Variants in SLC6A14 observed in about 807,000 individuals in gnomAD.
The protein encoded by SLC6A14 is sodium- and chloride-dependent neutral and basic amino acid transporter B(0+).
Under a neutral mutation model 51.4 loss-of-function variants are expected in SLC6A14, and 21 were observed. The ratio of observed to expected loss-of-function variants is 0.41; its 90% CI spans 0.29 to 0.59. SLC6A14 has a LOEUF of 0.59. SLC6A14 is among the 20% of genes least tolerant of loss of function. SLC6A14 has a pLI of 0.31. For synonymous variants in SLC6A14, 177 were observed against 160.7 expected (o/e 1.10, Z -0.77); for missense variants, 371 against 472.8 (o/e 0.78, Z 2.00).
chrX:116,458,823 C>A lies in SLC6A14; in HGVS notation c.1797C>A (p.Cys599Ter). 8.4e-7 allele frequency: 1 copy of A among 1,190,625 alleles called. No individual in the cohort carries two copies. Among genetic ancestry groups the A allele is most frequent in the Non-Finnish European group, 1.1e-6 (1 of 886,324 alleles). The change falls in exon 14 of 14, where the codon TGC becomes TGA. Residue 599 changes from cysteine (C) to a stop codon, truncating the protein, a stop_gained. Coordinates refer to ENST00000598581, the MANE Select transcript of SLC6A14 (RefSeq NM_007231.5). LOFTEE classifies it high-confidence loss of function. ...TTGCATTTCAGCGCCTTATAAGTTGCTGCAGACCAGCTTCTAACTGGGGTC... is the reference window on the plus strand; with the variant it reads ...TTGCATTTCAGCGCCTTATAAGTTGATGCAGACCAGCTTCTAACTGGGGTC... ...KGNIFQRLIS[C>*]CRPASNWGPY...
At chrX:116,456,612 T>C (rs1235052733) in intron 12 of SLC6A14, among the ~76,000 whole-genome samples, 1 of 111,239 alleles carries the variant, frequency 9.0e-6, no homozygotes, top group African/African-American at 3.2e-5. Context: ...TGAAATGATT[T>C]ACATTGCCAT....
intron 7 of SLC6A14, among the ~76,000 whole-genome samples, chrX:116,450,281 C>T (rs1171965981): frequency 1.8e-5 from 2 of 111,313 alleles, no homozygotes; most frequent in Non-Finnish European, 3.8e-5. Flanking sequence ...TTCCAAATTA[C>T]ATCAAGAATT....
chrX:116,437,810 G>T lies in SLC6A14; in HGVS notation c.69G>T (p.Glu23Asp). The change falls in exon 2 of 14, where the codon GAG becomes GAT. Residue 23 changes from glutamate to aspartate, a missense_variant. Glu to Asp is a conservative substitution (Grantham distance 45). Transcript: ENST00000598581. Reference sequence around the variant, plus strand: ...CCCAGAAAGTGTCGGCTTCATCAGAGAATTTCCATGTTGGTGAAAATGATG... The same window carrying T: ...CCCAGAAAGTGTCGGCTTCATCAGATAATTTCCATGTTGGTGAAAATGATG... ...REKEKVSASS[E>D]NFHVGENDEN... The T allele has an allele frequency of 8.3e-7, 1 of 1,205,769 alleles. No individual in the cohort carries two copies. Among genetic ancestry groups the T allele is most frequent in the South Asian group, 1.8e-5 (1 of 55,651 alleles).
chrX:116,455,178 T>G, intron 11 of SLC6A14, 102 bp downstream of exon 11: 1 of 625,885 alleles, frequency 1.6e-6, no homozygotes, highest in East Asian at 3.6e-5. Flanking sequence ...TTTTATACTA[T>G]TATAATAGCA....
intron 11 of SLC6A14, 80 bp from the exon 12 acceptor site, chrX:116,455,277 C>T: frequency 2.4e-6 from 2 of 818,053 alleles, no homozygotes; most frequent in Non-Finnish European, 3.6e-6. Context: ...AATGTTTAGA[C>T]ACAGAAAGAT....
chrX:116,437,524 C>T (rs957012732), intron 1 of SLC6A14, among the ~76,000 whole-genome samples: 1 of 111,751 alleles, frequency 8.9e-6, no homozygotes, highest in Admixed American at 9.5e-5. Flanking sequence ...TCACATTTAA[C>T]GTTTTTACCA....
intron 13 of SLC6A14, 96 bp downstream of exon 13, chrX:116,457,872 A>C: frequency 2.0e-5 from 13 of 637,409 alleles, no homozygotes; most frequent in Non-Finnish European, 2.9e-5. Flanking sequence ...GATTGTATGA[A>C]ATACAATTAA....
intron 4 of SLC6A14, 130 bp downstream of exon 4, chrX:116,442,978 A>C (rs1053247587): frequency 4.8e-6 from 2 of 420,714 alleles, no homozygotes; most frequent in African/African-American, 5.3e-5. Context: ...AGCAGAAGAT[A>C]GCATATATAA....
intron 13 of SLC6A14, among the ~76,000 whole-genome samples, 154 bp from the exon 14 acceptor site, chrX:116,458,655 A>C (rs1927979704): frequency 8.9e-6 from 1 of 112,312 alleles, no homozygotes; most frequent in African/African-American, 3.2e-5. Context: ...TGCATTATTA[A>C]GAATTTAGAT....
chrX:116,446,701 T>A, intron 6 of SLC6A14, 40 bp from the exon 7 acceptor site: 1 of 1,086,241 alleles, frequency 9.2e-7, no homozygotes, highest in East Asian at 3.0e-5. Flanking sequence ...ACCATGATTT[T>A]AAAAATAATT....
rs1556694728 is a variant in SLC6A14 at position 116,455,400 on chromosome X, A to G, written c.1548A>G (p.Ala516=). ...AGGATACAGAAATGATGATTGGAGC[A>G]AAGAGGTGGATATTCTGGCTATGGT... ...FIEDTEMMIG[A]KRWIFWLWWR... The change falls in exon 12 of 14, where the codon GCA becomes GCG. Residue 516 remains alanine, a synonymous_variant. Transcript: ENST00000598581. The G allele has an allele frequency of 8.3e-7, 1 of 1,206,548 alleles. No individual in the cohort carries two copies. The highest frequency in any genetic ancestry group is 1.7e-5 in the African/African-American group (1 of 57,169).
intron 9 of SLC6A14, among the ~76,000 whole-genome samples, chrX:116,453,344 A>G (rs1164599624): frequency 9.0e-6 from 1 of 111,259 alleles, no homozygotes; most frequent in Non-Finnish European, 1.9e-5. Context: ...ATATTTTATC[A>G]TACTTGTTTC....
rs1556694064 is a variant in SLC6A14 at position 116,446,840 on chromosome X, A to G, written c.889A>G (p.Ile297Val). Residue 297 changes from isoleucine to valine, a missense_variant, in exon 7 of 14, where the codon ATT becomes GTT. Physicochemically the swap from Ile to Val is conservative, Grantham distance 29. Transcript: ENST00000598581. ...TGCTTCAAAAGGCATTTCATACTAT[A>G]TTGGAGCCCAGTCAAATTTTACAAA... is the stretch of plus-strand genomic sequence containing the variant. ...EGASKGISYY[I>V]GAQSNFTKLK... 8.3e-7 allele frequency: 1 copy of G among 1,208,419 alleles called. No homozygotes were observed. The highest frequency in any genetic ancestry group is 2.2e-5 in the Admixed American group (1 of 45,912).
Position 116,446,869 on chromosome X carries a change from T to C in SLC6A14, c.918T>C (p.Leu306=), listed in dbSNP as rs782459791. Residue 306 remains leucine, a synonymous_variant, in exon 7 of 14, where the codon CTT becomes CTC. Transcript: ENST00000598581. ...GAGCCCAGTCAAATTTTACAAAACTTAAGGAAGCTGAGGTGAGTCTTAATT... is the reference window on the plus strand; with the variant it reads ...GAGCCCAGTCAAATTTTACAAAACTCAAGGAAGCTGAGGTGAGTCTTAATT... ...YIGAQSNFTK[L]KEAEVWKDAA... is the part of the protein sequence containing the mutation. 2 of 1,208,061 alleles carry C rather than the reference T, an allele frequency of 1.7e-6. No homozygotes were observed. Among genetic ancestry groups the C allele is most frequent in the African/African-American group, 1.7e-5 (1 of 57,626 alleles).
Position 116,458,797 on chromosome X carries a change from C to A in SLC6A14, c.1783-12C>A. On this transcript the variant is annotated splice_polypyrimidine_tract_variant and intron_variant, in intron 13 of 13. Coordinates refer to ENST00000598581, the MANE Select transcript of SLC6A14 (RefSeq NM_007231.5). ...AATTCTAAGACAATGATTTTTTGTT[C>A]TTGCATTTCAGCGCCTTATAAGTTG... is the stretch of plus-strand genomic sequence containing the variant. The A allele has an allele frequency of 8.7e-7, 1 of 1,152,445 alleles. No homozygotes were observed. The highest frequency in any genetic ancestry group is 1.2e-6 in the Non-Finnish European group (1 of 869,537). 95.0% of individuals were successfully genotyped at this position (1,152,445 alleles called of 1,213,427 possible).
At chrX:116,445,900 G>A (rs1209415107) in intron 6 of SLC6A14, among the ~76,000 whole-genome samples, 1 of 111,176 alleles carries the variant, frequency 9.0e-6, no homozygotes, top group Non-Finnish European at 1.9e-5. Flanking sequence ...GAGACATGCT[G>A]TTACATCACA....
intron 7 of SLC6A14, among the ~76,000 whole-genome samples, chrX:116,447,083 T>C (rs782000505): frequency 8.9e-6 from 1 of 111,863 alleles, no homozygotes; most frequent in Non-Finnish European, 1.9e-5. Flanking sequence ...GATGGTGAGA[T>C]AATTTTTAGA....
In SLC6A14 at chrX:116,459,160, A is replaced by G. The variant is rs1556695003; in HGVS notation, c.*205A>G. 3 of 318,952 alleles carry G rather than the reference A, an allele frequency of 9.4e-6. No individual in the cohort carries two copies. Among genetic ancestry groups the G allele is most frequent in the African/African-American group, 2.8e-5 (1 of 36,125 alleles). The allele number at this position is 318,952 out of a possible 1,213,427, so 26.3% of individuals were successfully genotyped here. ...ATGTGCTTATTATATTTCTTTTTAG[A>G]TTGTCTATCTGTATAACACACACAC... On this transcript the variant is annotated 3_prime_UTR_variant, in exon 14 of 14. Transcript: ENST00000598581.
intron 12 of SLC6A14, among the ~76,000 whole-genome samples, chrX:116,456,828 G>A (rs1209307397): frequency 9.0e-6 from 1 of 111,367 alleles, no homozygotes; most frequent in Non-Finnish European, 1.9e-5. Flanking sequence ...TAAATTTAAG[G>A]AAGCTCCTTA....
Sources: gnomAD v4.1 joint callset for allele counts (sites outside exome capture counted in the v4.1 genomes callset) on GRCh38, gnomAD v4.1.1 for gene constraint, MANE v1.5 for transcripts, NCBI Gene and HGNC (gene_info 2026-07-23, HGNC 2026-07-21) for gene names.